Variants in FAT3 observed in about 807,000 individuals in gnomAD.
FAT3 encodes protocadherin Fat 3.
In FAT3, 95 loss-of-function variants were observed where a neutral mutation model predicts 310.2. The ratio of observed to expected loss-of-function variants is 0.31; its 90% confidence interval spans 0.26 to 0.36. The LOEUF (loss-of-function observed/expected upper bound fraction) is 0.36. Ranked by LOEUF, FAT3 falls within the 10% of genes least tolerant of loss-of-function variation. The probability of loss-of-function intolerance (pLI) is 1.00; values close to 1 mark genes in which losing one functional copy is unlikely to be tolerated. For missense variants in FAT3, 5,408 were observed against 5,715.6 expected, an observed-to-expected ratio of 0.95 and a Z score of 1.74; for synonymous variants, 2,314 against 2,192.9, an observed-to-expected ratio of 1.06 and a Z score of -1.54.
intron 3 of FAT3, among the ~76,000 whole-genome samples, chr11:92,570,473 C>A (rs945024417): frequency 6.6e-6 from 1 of 152,102 alleles, no homozygotes; most frequent in Non-Finnish European, 1.5e-5. Flanking sequence ...AGAACATATG[C>A]ACAAGGGAAG....
intron 4 of FAT3, among the ~76,000 whole-genome samples, chr11:92,740,936 T>C (rs1055355382): frequency 1.3e-5 from 2 of 152,206 alleles, no homozygotes; most frequent in African/African-American, 4.8e-5. Flanking sequence ...TTTTTCTGTC[T>C]TTGGCAATTT....
At chr11:92,250,485 A>G (rs900468540) in intron 1 of FAT3, among the ~76,000 whole-genome samples, 2 of 152,156 alleles carry the variant, frequency 1.3e-5, no homozygotes, top group Non-Finnish European at 2.9e-5. Flanking sequence ...TCAACTTTGT[A>G]GGTTGGTAGT....
Position 92,678,137 on chromosome 11 carries a change from A to G in FAT3, c.3608-19247A>G, listed in dbSNP as rs563613076. ...GCAAATGTCTGGTTGCAAGAGGGAA[A>G]CAATCAGAGGCTGAAGTGAAATTAG... On this transcript the variant is annotated intron_variant, in intron 3 of 27. Transcript: ENST00000525166. 3.3e-5 allele frequency among the ~76,000 whole-genome samples: 5 copies of G among 152,252 alleles called. No homozygotes were observed. In the East Asian group the frequency reaches 9.7e-4, roughly 29 times the overall value.
At chr11:92,454,035 T>C (rs1951432789) in intron 2 of FAT3, among the ~76,000 whole-genome samples, 1 of 152,220 alleles carries the variant, frequency 6.6e-6, no homozygotes. Context: ...AAAATAATTG[T>C]AATAAAATGT....
chr11:92,809,562 G>A (rs770931213), intron 12 of FAT3, among the ~76,000 whole-genome samples: 4 of 152,156 alleles, frequency 2.6e-5, no homozygotes, highest in East Asian at 1.9e-4. Flanking sequence ...AAGCTTCTCC[G>A]TGTAGCCAAA....
rs1312459215 is a variant in FAT3, at chr11:92,798,160, T to C, written c.5147T>C (p.Ile1716Thr). The change falls in exon 10 of 28, where the codon ATA becomes ACA. Residue 1716 changes from isoleucine to threonine, a missense_variant. This residue lies in a region of FAT3 where 4,588 missense variants were observed against 4,809.8 expected (regional missense o/e 0.95). Transcript: ENST00000525166. The part of the protein sequence containing the change: ...KDGDINGIFT[I>T]NPYSGVITTQ... Reference sequence around the variant, plus strand: ...GGAGACATTAATGGGATCTTTACCATAAATCCATATTCTGGAGTCATCACC... The same window carrying C: ...GGAGACATTAATGGGATCTTTACCACAAATCCATATTCTGGAGTCATCACC... 6.2e-7 allele frequency: 1 copy of C among 1,613,846 alleles called. No individual in the cohort carries two copies. Among genetic ancestry groups the C allele is most frequent in the Non-Finnish European group, 8.5e-7 (1 of 1,179,868 alleles).
Position 92,889,198 on chromosome 11 carries a change from T to A in FAT3, c.13061T>A (p.Val4354Glu). The A allele has an allele frequency of 1.4e-6, 1 of 714,216 alleles. No individual in the cohort carries two copies. Among genetic ancestry groups the A allele is most frequent in the Non-Finnish European group, 2.6e-6 (1 of 383,704 alleles). 44.2% of individuals were successfully genotyped at this position (714,216 alleles called of 1,614,324 possible). The change falls in exon 26 of 28, where the codon GTG (valine) becomes GAG (glutamate). Residue 4354 changes from valine to glutamate, a missense_variant. By Grantham distance (121) the Val-to-Glu change is moderately radical. Transcript: ENST00000525166. Reference sequence around the variant, plus strand: ...TTTTCCTGACCACAAGCCTCCATAGTGACTGTCATTCAGCTTGTCAACAAT... The same window carrying A: ...TTTTCCTGACCACAAGCCTCCATAGAGACTGTCATTCAGCTTGTCAACAAT... Reference protein sequence around the residue: ...SDSGDDNASIVTVIQLVNNVV... With the variant: ...SDSGDDNASIETVIQLVNNVV...
chr11:92,882,750 C>T lies in FAT3; in HGVS notation c.12294C>T (p.Asp4098=), dbSNP rs1158042916. ...TGTGTCGCCGCAGGTGTGAGGAGGA[C>T]ATCAATGAGTGCGAACGAGAGGAGT... ...AGLTGVTCEE[D]INECEREECE... is the part of the protein sequence containing the mutation. The change falls in exon 24 of 28, where the codon GAC becomes GAT. Residue 4098 remains aspartate, a synonymous_variant. Coordinates refer to ENST00000525166, the MANE Select transcript of FAT3 (RefSeq NM_001367949.2). The T allele has an allele frequency of 1.2e-6, 2 of 1,602,554 alleles. No individual in the cohort carries two copies. The highest frequency in any genetic ancestry group is 3.4e-5 in the Admixed American group (2 of 59,410).
At chr11:92,439,198 G>C (rs563108305) in intron 2 of FAT3, among the ~76,000 whole-genome samples, 1 of 151,942 alleles carries the variant, frequency 6.6e-6, no homozygotes, top group African/African-American at 2.4e-5. Flanking sequence ...TTAACAGAAG[G>C]CCACAAAGTA....
rs7945029 is a variant in FAT3, at chr11:92,594,853, G to A, written c.3607+69905G>A. Among the ~76,000 whole-genome samples the A allele has an allele frequency of 4.3e-3, 661 of 152,118 alleles. 4 individuals carry two copies. Among genetic ancestry groups the A allele is most frequent in the African/African-American group, 0.015 (605 of 41,500 alleles). ...ATGTTTCAGAATGCTTTCTATTTTA[G>A]TAGTACATCTAAATGGGCATGAGGT... is the stretch of plus-strand genomic sequence containing the variant. On this transcript the variant is annotated intron_variant, in intron 3 of 27. Transcript: ENST00000525166.
chr11:92,570,757 GTTTGCACACTGT>G (rs1955641048), intron 3 of FAT3, among the ~76,000 whole-genome samples: 1 of 152,174 alleles, frequency 6.6e-6, no homozygotes, highest in African/African-American at 2.4e-5. Flanking sequence ...ATCCCTATCT[GTTTGCACACTGT>G]TTTGACCACA....
intron 3 of FAT3, among the ~76,000 whole-genome samples, chr11:92,589,001 T>C (rs1939291352): frequency 6.6e-6 from 1 of 151,956 alleles, no homozygotes; most frequent in African/African-American, 2.4e-5. Flanking sequence ...AGGTCTGAGG[T>C]GAGAGTACAT....
intron 3 of FAT3, among the ~76,000 whole-genome samples, chr11:92,568,483 G>C (rs903861371): frequency 1.3e-5 from 2 of 152,082 alleles, no homozygotes; most frequent in Non-Finnish European, 2.9e-5. Context: ...GGGGATTGAT[G>C]CTAGCAATGG....
chr11:92,608,874 G>T (rs1240040529), intron 3 of FAT3, among the ~76,000 whole-genome samples: 2 of 152,106 alleles, frequency 1.3e-5, no homozygotes, highest in African/African-American at 4.8e-5. Context: ...CTTTGCAGGG[G>T]CCTGCTGGGA....
At chr11:92,394,429 GGAAA>G (rs1167718393) in intron 2 of FAT3, among the ~76,000 whole-genome samples, 2 of 152,002 alleles carry the variant, frequency 1.3e-5, no homozygotes, top group East Asian at 1.9e-4. Context: ...AGCCTATGCT[GGAAA>G]GAAAGAAAGA....
intron 1 of FAT3, among the ~76,000 whole-genome samples, chr11:92,282,175 G>A (rs1946443353): frequency 6.6e-6 from 1 of 152,076 alleles, no homozygotes; most frequent in Non-Finnish European, 1.5e-5. Context: ...CAAAGACATT[G>A]TCCCTTCTTT....
At chr11:92,656,262 T>G (rs1217996669) in intron 3 of FAT3, among the ~76,000 whole-genome samples, 2 of 152,176 alleles carry the variant, frequency 1.3e-5, no homozygotes, top group East Asian at 1.9e-4. Context: ...TGACTTTCCC[T>G]TTGTCACAGC....
intron 3 of FAT3, among the ~76,000 whole-genome samples, chr11:92,663,723 T>C (rs549508744): frequency 6.8e-4 from 103 of 152,298 alleles, no homozygotes; most frequent in African/African-American, 2.3e-3. Flanking sequence ...AAATTCCCTC[T>C]TCATGAATCT....
At chr11:92,321,423 C>T (rs559453047) in intron 1 of FAT3, among the ~76,000 whole-genome samples, 1 of 148,178 alleles carries the variant, frequency 6.7e-6, no homozygotes, top group African/African-American at 2.5e-5. Flanking sequence ...AGCAACAGGG[C>T]GAGACTCCGT....
Sources: gnomAD v4.1 joint callset for allele counts (sites outside exome capture counted in the v4.1 genomes callset) on GRCh38, gnomAD v4.1.1 for gene constraint, gnomAD v4.1.1 regional missense constraint, MANE v1.5 for transcripts, NCBI Gene and HGNC (gene_info 2026-07-23, HGNC 2026-07-21) for gene names.